Variants in TRIML2 observed in about 807,000 individuals in gnomAD.
TRIML2 encodes the protein probable E3 ubiquitin-protein ligase TRIML2.
TRIML2 carries 28 observed loss-of-function variants against 31.2 expected under a neutral mutation model. That is an observed-to-expected ratio of 0.90 (90% CI 0.66 to 1.23). The LOEUF (loss-of-function observed/expected upper bound fraction) is 1.23. TRIML2 is among the 50% of genes most tolerant of loss of function. The pLI is 0.00. For missense variants in TRIML2, 536 were observed against 528.3 expected (o/e 1.01, Z -0.14); for synonymous variants, 187 against 197.5 (o/e 0.95, Z 0.45).
chr4:188,102,649 G>A (rs932328222), intron 3 of TRIML2, among the ~76,000 whole-genome samples: 5 of 151,872 alleles, frequency 3.3e-5, no homozygotes, highest in African/African-American at 4.8e-5. Context: ...AGCAGTTCGA[G>A]ACCAGCCTGA....
At chr4:188,107,741 T>TATGTTCA (rs1191154936) in intron 1 of TRIML2, among the ~76,000 whole-genome samples, 1 of 152,232 alleles carries the variant, frequency 6.6e-6, no homozygotes, top group Non-Finnish European at 1.5e-5. Flanking sequence ...CTGTGAAGTC[T>TATGTTCA]ATGTTCAAGC....
At position 188,101,267 on chromosome 4, in the gene TRIML2, T is replaced by G. The variant is rs753964624; in HGVS notation, c.286-17A>C. ...TTCCTCTTCCTTCCTCATATAGACA[T>G]GATAGACTTCAGGTTAAACATGATA... On this transcript the variant is annotated splice_polypyrimidine_tract_variant and intron_variant, in intron 3 of 7. Transcript: ENST00000682553. 1 of 1,574,082 alleles carries G rather than the reference T, an allele frequency of 6.4e-7. No individual in the cohort carries two copies. The highest frequency in any genetic ancestry group is 8.7e-7 in the Non-Finnish European group (1 of 1,151,416).
intron 3 of TRIML2, among the ~76,000 whole-genome samples, chr4:188,103,525 C>A (rs1428759743): frequency 6.6e-6 from 1 of 152,060 alleles, no homozygotes; most frequent in East Asian, 1.9e-4. Context: ...AGCCTCCAGG[C>A]CTTTCCTCTG....
intron 3 of TRIML2, among the ~76,000 whole-genome samples, chr4:188,103,162 G>A (rs1379086415): frequency 2.0e-5 from 3 of 151,700 alleles, no homozygotes; most frequent in African/African-American, 7.3e-5. Context: ...ACAGGCACCT[G>A]CCACCACACC....
intron 1 of TRIML2, chr4:188,105,892 C>T (rs1734006991): frequency 1.3e-5 from 2 of 153,066 alleles, no homozygotes; most frequent in Admixed American, 6.5e-5. Flanking sequence ...CTCTGTTGCC[C>T]AGTCTAGAGT....
At chr4:188,103,835 C>A (rs1733911091) in intron 3 of TRIML2, among the ~76,000 whole-genome samples, 1 of 152,072 alleles carries the variant, frequency 6.6e-6, no homozygotes, top group Non-Finnish European at 1.5e-5. Flanking sequence ...TCAGTATTTG[C>A]TGAACACATG....
intron 3 of TRIML2, among the ~76,000 whole-genome samples, chr4:188,101,858 C>T (rs951108830): frequency 6.6e-5 from 10 of 151,914 alleles, no homozygotes; most frequent in African/African-American, 2.4e-4. Flanking sequence ...TGGCTGGGCG[C>T]GGTGGTTCAC....
rs765139434 is a variant in TRIML2 at position 188,101,057 on chromosome 4, T to C, written c.479A>G (p.Gln160Arg). 3 of 1,606,568 alleles carry C rather than the reference T, an allele frequency of 1.9e-6. No individual in the cohort carries two copies. Among genetic ancestry groups the C allele is most frequent in the East Asian group, 2.2e-5 (1 of 44,688 alleles). Residue 160 changes from glutamine (Q) to arginine (R), a missense_variant and splice_region_variant, in exon 4 of 8, where the codon CAG (glutamine) becomes CGG (arginine). Transcript: ENST00000682553. ...ELEEMFQEML[Q>R]RLGRVGRENM... The stretch of plus-strand genomic sequence containing the variant: ...AGGATGTTGTTTTCAATATCTCACC[T>C]GTAGCATTTCCTGGAACATCTCCTC...
At chr4:188,092,678 G>A in intron 7 of TRIML2, 7 of 429,734 alleles carry the variant, frequency 1.6e-5, no homozygotes, top group South Asian at 1.0e-4. Flanking sequence ...CCCACAGGGT[G>A]ACATAGAGGC....
chr4:188,102,730 T>C (rs1022389251), intron 3 of TRIML2, among the ~76,000 whole-genome samples: 3 of 151,196 alleles, frequency 2.0e-5, no homozygotes, highest in Non-Finnish European at 4.4e-5. Flanking sequence ...GCCCCTGTAA[T>C]GTCAGCTACC....
chr4:188,109,416 A>G lies in TRIML2; in HGVS notation c.-396T>C, dbSNP rs1734152496. The stretch of plus-strand genomic sequence containing the variant: ...CTTGACCTCCTGAGTAGCTGGGATT[A>G]CAGGCGCTGCACGACCACACCCGGC... On this transcript the variant is annotated 5_prime_UTR_variant, in exon 1 of 8. Transcript: ENST00000682553. The G allele has an allele frequency of 1.3e-5, 2 of 151,152 alleles. No homozygotes were observed. Among genetic ancestry groups the G allele is most frequent in the African/African-American group, 4.9e-5 (2 of 41,082 alleles). 9.4% of individuals were successfully genotyped at this position (151,152 alleles called of 1,614,324 possible). A position where few individuals can be genotyped will look rare whatever the true frequency, so the allele number is the denominator to read the frequency against.
At chr4:188,105,133 A>G in intron 2 of TRIML2, 47 bp downstream of exon 2, 1 of 1,568,774 alleles carries the variant, frequency 6.4e-7, no homozygotes, top group Non-Finnish European at 8.7e-7. Context: ...TTTCATCCAT[A>G]TAGGAGTTGG....
At chr4:188,099,264 GT>G in intron 4 of TRIML2, 89 bp from the exon 5 acceptor site, 5 of 1,482,110 alleles carry the variant, frequency 3.4e-6, no homozygotes, top group Non-Finnish European at 4.5e-6. Context: ...ATTCAACCAT[GT>G]TTTTAAAAAC....
intron 1 of TRIML2, among the ~76,000 whole-genome samples, chr4:188,107,858 CT>C (rs1237727072): frequency 6.6e-6 from 1 of 152,044 alleles, no homozygotes; most frequent in Non-Finnish European, 1.5e-5. Context: ...GTTGCAAATA[CT>C]TTCTCCCTCC....
chr4:188,098,088 C>A, intron 5 of TRIML2: 1 of 250,016 alleles, frequency 4.0e-6, no homozygotes, highest in African/African-American at 2.3e-5. Flanking sequence ...CGCCACTGCT[C>A]CAGCCTGGGA....
chr4:188,091,971 A>G, intron 7 of TRIML2, 30 bp from the exon 8 acceptor site: 1 of 1,580,848 alleles, frequency 6.3e-7, no homozygotes, highest in Non-Finnish European at 8.6e-7. Context: ...TCGTTAACCT[A>G]GGAGTTCACC....
intron 4 of TRIML2, among the ~76,000 whole-genome samples, chr4:188,100,044 T>G (rs1733703246): frequency 6.6e-6 from 1 of 152,208 alleles, no homozygotes; most frequent in South Asian, 2.1e-4. Context: ...GACAACTTAC[T>G]TTATTCTTGG....
intron 3 of TRIML2, among the ~76,000 whole-genome samples, chr4:188,103,669 A>T (rs12509372): frequency 0.21 from 31,520 of 151,774 alleles, 3,756 homozygotes; most frequent in Admixed American, 0.27. Flanking sequence ...CTTAAAAAAA[A>T]TTTTTTTAAA....
At chr4:188,099,243 C>T (rs1034488762) in intron 4 of TRIML2, 68 bp from the exon 5 acceptor site, 1 of 1,513,764 alleles carries the variant, frequency 6.6e-7, no homozygotes, top group South Asian at 1.3e-5. Flanking sequence ...GGTAACTTCT[C>T]CTATAGATTA....
Sources: allele counts gnomAD v4.1 joint callset (sites outside exome capture counted in the v4.1 genomes callset), GRCh38; gene constraint gnomAD v4.1.1; transcripts MANE v1.5; gene names NCBI Gene and HGNC (gene_info 2026-07-23, HGNC 2026-07-21).